RARS1: variants seen among roughly 807,000 people sequenced by gnomAD.
RARS1 encodes the protein arginine--tRNA ligase, cytoplasmic.
In RARS1, 75 loss-of-function variants were observed where a neutral mutation model predicts 78.7. The ratio of observed to expected loss-of-function variants is 0.95; its 90% confidence interval spans 0.79 to 1.15. RARS1 has a LOEUF of 1.15. Ranked by LOEUF, RARS1 falls within the 50% of genes most tolerant of loss-of-function variation. The probability of loss-of-function intolerance (pLI) is 0.00; values close to 1 mark genes in which losing one functional copy is unlikely to be tolerated. For missense variants in RARS1, 787 were observed against 787.5 expected, an observed-to-expected ratio of 1.00 and a Z score of 0.01; for synonymous variants, 273 against 268.2, an observed-to-expected ratio of 1.02 and a Z score of -0.18.
At chr5:168,507,873 C>G (rs1365734008) in intron 11 of RARS1, among the ~76,000 whole-genome samples, 1 of 140,474 alleles carries the variant, frequency 7.1e-6, no homozygotes, top group African/African-American at 2.7e-5. Flanking sequence ...AACCCCATAT[C>G]TGCCAAAAAA....
intron 12 of RARS1, among the ~76,000 whole-genome samples, chr5:168,515,823 T>G (rs984475696): frequency 6.6e-6 from 1 of 152,208 alleles, no homozygotes; most frequent in Non-Finnish European, 1.5e-5. Flanking sequence ...TAATTACCAT[T>G]TGCTCTTTCC....
At chr5:168,504,261 C>T (rs1758389023) in intron 9 of RARS1, among the ~76,000 whole-genome samples, 2 of 151,698 alleles carry the variant, frequency 1.3e-5, no homozygotes. Context: ...CGTGGTGGCT[C>T]ACACCTGTAA....
Position 168,506,067 on chromosome 5 carries a change from G to T in RARS1, c.1104G>T (p.Gly368=). Residue 368 remains glycine, a synonymous_variant, in exon 10 of 15, where the codon GGG becomes GGT. Coordinates refer to ENST00000231572, the MANE Select transcript of RARS1 (RefSeq NM_002887.4). ...GCAGAAAGATTGTATTTGTCCCAGG[G>T]TGTTCCATACCATTAACCATAGTAA... ...DDGRKIVFVP[G]CSIPLTIVKS... The T allele has an allele frequency of 6.2e-7, 1 of 1,607,508 alleles. No homozygotes were observed. Among genetic ancestry groups the T allele is most frequent in the South Asian group, 1.1e-5 (1 of 89,696 alleles).
intron 12 of RARS1, among the ~76,000 whole-genome samples, chr5:168,513,640 A>G (rs552266554): frequency 6.6e-6 from 1 of 151,256 alleles, no homozygotes; most frequent in Non-Finnish European, 1.5e-5. Flanking sequence ...TCTTAGGCTT[A>G]TTGGTCATCT....
intron 3 of RARS1, 162 bp downstream of exon 3, chr5:168,493,009 A>T (rs745310511): frequency 9.2e-6 from 6 of 655,448 alleles, no homozygotes; most frequent in Non-Finnish European, 1.2e-5. Context: ...TATATGTTTT[A>T]ACTTTTTTAG....
intron 7 of RARS1, among the ~76,000 whole-genome samples, 189 bp from the exon 8 acceptor site, chr5:168,500,402 A>G (rs1378257053): frequency 6.6e-6 from 1 of 152,050 alleles, no homozygotes; most frequent in African/African-American, 2.4e-5. Flanking sequence ...TTTTTAAGAG[A>G]AATGATTTCA....
At chr5:168,510,707 C>G in intron 12 of RARS1, 21 bp downstream of exon 12, 1 of 1,514,054 alleles carries the variant, frequency 6.6e-7, no homozygotes, top group African/African-American at 1.4e-5. Flanking sequence ...GCCTTATAGG[C>G]ATAATGTGTA....
At chr5:168,495,547 T>C in intron 6 of RARS1, 111 bp downstream of exon 6, 1 of 1,442,328 alleles carries the variant, frequency 6.9e-7, no homozygotes, top group Non-Finnish European at 9.2e-7. Context: ...AAATCAGTGG[T>C]TCATCAGCTT....
At chr5:168,503,902 C>G (rs1451668974) in intron 9 of RARS1, among the ~76,000 whole-genome samples, 1 of 151,240 alleles carries the variant, frequency 6.6e-6, no homozygotes, top group Non-Finnish European at 1.5e-5. Flanking sequence ...AGGACCCTTT[C>G]TCTGCCAAAA....
At chr5:168,494,246 G>T (rs1432533828) in intron 4 of RARS1, 1 of 985,120 alleles carries the variant, frequency 1.0e-6, no homozygotes, top group Non-Finnish European at 1.2e-6. Flanking sequence ...AGCAAAATGA[G>T]GATAGATAAT....
intron 1 of RARS1, among the ~76,000 whole-genome samples, chr5:168,486,950 T>G (rs1267949864): frequency 6.6e-6 from 1 of 152,160 alleles, no homozygotes; most frequent in African/African-American, 2.4e-5. Context: ...CAGCCGCAGT[T>G]CTTCCCGGGT....
At chr5:168,501,980 G>T in intron 8 of RARS1, 21 bp from the exon 9 acceptor site, 2 of 1,574,090 alleles carry the variant, frequency 1.3e-6, no homozygotes, top group Admixed American at 2.0e-5. Context: ...TTATTTGGTG[G>T]CATTTTATTT....
chr5:168,498,807 A>G (rs1248858900), intron 7 of RARS1, among the ~76,000 whole-genome samples: 1 of 152,010 alleles, frequency 6.6e-6, no homozygotes, highest in African/African-American at 2.4e-5. Flanking sequence ...TCTCCACAAA[A>G]AATACAAAAG....
chr5:168,496,568 T>C (rs1266353700), intron 6 of RARS1, among the ~76,000 whole-genome samples: 1 of 151,676 alleles, frequency 6.6e-6, no homozygotes, highest in African/African-American at 2.4e-5. Context: ...CTGCAAGCTC[T>C]ACCTCCTGGG....
At chr5:168,487,348 AGAGT>A (rs1757988107) in intron 1 of RARS1, among the ~76,000 whole-genome samples, 1 of 152,026 alleles carries the variant, frequency 6.6e-6, no homozygotes, top group Admixed American at 6.5e-5. Flanking sequence ...CCTGGGCGAC[AGAGT>A]GAGACTCCGT....
At chr5:168,502,754 T>C (rs937462177) in intron 9 of RARS1, among the ~76,000 whole-genome samples, 3 of 151,798 alleles carry the variant, frequency 2.0e-5, no homozygotes, top group South Asian at 2.1e-4. Flanking sequence ...GTATTTTTAA[T>C]GGAGACAGGG....
rs1489617272 is a variant in RARS1 at position 168,500,711 on chromosome 5, T to C, written c.943T>C (p.Ser315Pro). ...TKAWKLICDV[S>P]RQELNKIYDA... Reference sequence around the variant, plus strand: ...AGCTTGGAAGCTTATCTGTGATGTCTCCCGCCAAGGTGAGTTTCTGGGCTT... The same window carrying C: ...AGCTTGGAAGCTTATCTGTGATGTCCCCCGCCAAGGTGAGTTTCTGGGCTT... The change falls in exon 8 of 15, where the codon TCC (serine) becomes CCC (proline). Residue 315 changes from serine (S) to proline (P), a missense_variant. Physicochemically the swap from Ser to Pro is moderately conservative, Grantham distance 74. Transcript: ENST00000231572. 6.2e-7 allele frequency: 1 copy of C among 1,611,130 alleles called. No individual in the cohort carries two copies. The highest frequency in any genetic ancestry group is 8.5e-7 in the Non-Finnish European group (1 of 1,179,168).
chr5:168,486,516 T>G lies in RARS1; in HGVS notation c.18T>G (p.Ser6=). MDVLV[S]ECSARLLQQE... ...ATGGGAGGATGGACGTACTGGTGTC[T>G]GAGTGCTCCGCGCGGCTGCTGCAGC... The change falls in exon 1 of 15, where the codon TCT becomes TCG. Residue 6 remains serine, a synonymous_variant. Coordinates refer to ENST00000231572, the MANE Select transcript of RARS1 (RefSeq NM_002887.4). The G allele has an allele frequency of 1.3e-6, 2 of 1,559,234 alleles. No individual in the cohort carries two copies. The highest frequency in any genetic ancestry group is 4.7e-5 in the East Asian group (2 of 42,244).
intron 12 of RARS1, among the ~76,000 whole-genome samples, chr5:168,515,137 T>C (rs1157234720): frequency 6.6e-6 from 1 of 152,306 alleles, no homozygotes; most frequent in East Asian, 1.9e-4. Flanking sequence ...TTTTCTCCCC[T>C]GTAAAGTTAG....
Sources: allele counts gnomAD v4.1 joint callset (sites outside exome capture counted in the v4.1 genomes callset), GRCh38; gene constraint gnomAD v4.1.1; transcripts MANE v1.5; gene names NCBI Gene and HGNC (gene_info 2026-07-23, HGNC 2026-07-21).